The following PRR11 variants were observed in gnomAD, a reference collection of about 807,000 sequenced individuals.
The protein encoded by PRR11 is proline-rich protein 11.
In PRR11, 30 loss-of-function variants were observed where a neutral mutation model predicts 45.6. The observed-to-expected ratio is 0.66, with a 90% CI of 0.49 to 0.89. The LOEUF (loss-of-function observed/expected upper bound fraction) is 0.89, where lower values mean the gene tolerates loss of function less well. PRR11 is among the 40% of genes least tolerant of loss of function. The pLI, the probability that PRR11 is intolerant of heterozygous loss-of-function variation, is 0.00. For missense variants in PRR11, 373 were observed against 424.8 expected, an observed-to-expected ratio of 0.88 and a Z score of 1.07; for synonymous variants, 128 against 153.5, an observed-to-expected ratio of 0.83 and a Z score of 1.23.
At chr17:59,199,964 T>C (rs1442969543) in intron 9 of PRR11, among the ~76,000 whole-genome samples, 1 of 152,222 alleles carries the variant, frequency 6.6e-6, no homozygotes, top group Non-Finnish European at 1.5e-5. Context: ...TCACGGGTCT[T>C]AGCCCCTTGC....
At chr17:59,175,501 C>T (rs576256763) in intron 2 of PRR11, among the ~76,000 whole-genome samples, 2 of 152,146 alleles carry the variant, frequency 1.3e-5, no homozygotes, top group African/African-American at 4.8e-5. Context: ...GTGGCTCATG[C>T]CTGTAATCCC....
chr17:59,174,860 G>A (rs2046734282), intron 2 of PRR11: 1 of 1,241,966 alleles, frequency 8.1e-7, no homozygotes, highest in South Asian at 1.2e-5. Context: ...CGCCCCTTAA[G>A]AAGATGGGGA....
intron 2 of PRR11, among the ~76,000 whole-genome samples, chr17:59,183,371 A>G (rs974038974): frequency 1.8e-4 from 27 of 152,186 alleles, no homozygotes; most frequent in African/African-American, 6.3e-4. Flanking sequence ...AAACTAGGGT[A>G]AGCAGAAACT....
At chr17:59,197,836 T>G in intron 9 of PRR11, 47 bp downstream of exon 9, 1 of 1,564,460 alleles carries the variant, frequency 6.4e-7, no homozygotes, top group South Asian at 1.1e-5. Context: ...TGAAAATAAT[T>G]TGGCCTGGTG....
chr17:59,193,310 A>C (rs2046848224), intron 4 of PRR11, among the ~76,000 whole-genome samples, 182 bp from the exon 5 acceptor site: 1 of 152,214 alleles, frequency 6.6e-6, no homozygotes, highest in Non-Finnish European at 1.5e-5. Flanking sequence ...GGCATATAGC[A>C]CATACAAAAT....
intron 1 of PRR11, among the ~76,000 whole-genome samples, chr17:59,166,016 T>C (rs1413124746): frequency 6.6e-6 from 1 of 152,196 alleles, no homozygotes; most frequent in Non-Finnish European, 1.5e-5. Context: ...TTAGATGTTA[T>C]CAGGAATCTA....
At chr17:59,174,850 C>T (rs1412511677) in intron 2 of PRR11, 17 of 1,260,700 alleles carry the variant, frequency 1.3e-5, no homozygotes, top group African/African-American at 4.5e-5. Context: ...GAAAAACAAA[C>T]GCCCCTTAAG....
intron 2 of PRR11, among the ~76,000 whole-genome samples, chr17:59,173,653 C>A (rs542928527): frequency 3.3e-4 from 51 of 152,352 alleles, no homozygotes; most frequent in African/African-American, 1.2e-3. Flanking sequence ...TCCGGACACG[C>A]CACCTTTAAG....
intron 2 of PRR11, among the ~76,000 whole-genome samples, chr17:59,182,069 C>T (rs117819038): frequency 0.022 from 3,277 of 151,282 alleles, 63 homozygotes; most frequent in Non-Finnish European, 0.03. Flanking sequence ...GCTTTGTCGC[C>T]CGGGCTGGAG....
At chr17:59,182,712 A>G (rs977160815) in intron 2 of PRR11, among the ~76,000 whole-genome samples, 13 of 151,904 alleles carry the variant, frequency 8.6e-5, no homozygotes, top group African/African-American at 3.1e-4. Flanking sequence ...CACCTTAGTC[A>G]ATCCTATCCC....
chr17:59,195,420 G>A lies in PRR11; in HGVS notation c.834G>A (p.Ser278=), dbSNP rs891190031. Residue 278 remains serine (S), a synonymous_variant, in exon 7 of 10, where the codon TCG becomes TCA. Coordinates refer to ENST00000262293, the MANE Select transcript of PRR11 (RefSeq NM_018304.4). The part of the protein sequence containing the change: ...VTLKPNSKVL[S]TRVTNVLITP... ...TGAAACCTAACTCCAAAGTGTTATC[G>A]ACTCGAGTTACAAACGTCTTAATGT... 14 of 1,610,422 alleles carry A rather than the reference G, an allele frequency of 8.7e-6. No individual in the cohort carries two copies. Among genetic ancestry groups the A allele is most frequent in the African/African-American group, 2.7e-5 (2 of 74,748 alleles).
At chr17:59,187,105 A>T (rs147515917) in intron 4 of PRR11, among the ~76,000 whole-genome samples, 66 of 152,296 alleles carry the variant, frequency 4.3e-4, no homozygotes, top group African/African-American at 1.5e-3. Context: ...CAGGCAGATC[A>T]TCTGAGATCA....
chr17:59,195,504 A>C (rs141581177), intron 7 of PRR11, 61 bp downstream of exon 7: 1 of 1,121,306 alleles, frequency 8.9e-7, no homozygotes, highest in East Asian at 2.4e-5. Context: ...TGTTGTACAA[A>C]GGCCTAAAGA....
chr17:59,182,835 G>A (rs1279937704), intron 2 of PRR11, among the ~76,000 whole-genome samples: 3 of 152,148 alleles, frequency 2.0e-5, no homozygotes, highest in Non-Finnish European at 4.4e-5. Context: ...CTCATCCTGG[G>A]GGTGCGGTTG....
chr17:59,195,142 C>A (rs1428750343), intron 6 of PRR11, among the ~76,000 whole-genome samples, 189 bp from the exon 7 acceptor site: 3 of 152,124 alleles, frequency 2.0e-5, no homozygotes, highest in Admixed American at 6.6e-5. Context: ...TTTAATTAGG[C>A]AATTTTATCT....
At position 59,205,898 on chromosome 17, in the gene PRR11, A is replaced by T. The variant is rs1299031946; in HGVS notation, c.*4267A>T. The stretch of plus-strand genomic sequence containing the variant: ...CCGTCTCTACCAAAAAAAATATATA[A>T]AAATTATCTGGGTGTGGTGGCATGT... On this transcript the variant is annotated 3_prime_UTR_variant, in exon 10 of 10. Transcript: ENST00000262293. Among the ~76,000 whole-genome samples the T allele has an allele frequency of 1.4e-5, 2 of 147,298 alleles. No individual in the cohort carries two copies. The highest frequency in any genetic ancestry group is 4.9e-5 in the African/African-American group (2 of 40,770).
intron 2 of PRR11, among the ~76,000 whole-genome samples, chr17:59,180,519 G>GTTTT (rs71300619): frequency 2.4e-5 from 3 of 122,928 alleles, no homozygotes; most frequent in African/African-American, 1.1e-4. Context: ...TGTTTTTTTT[G>GTTTT]TTTTTTTTGC....
At chr17:59,197,906 G>C in intron 9 of PRR11, 117 bp downstream of exon 9, 1 of 859,508 alleles carries the variant, frequency 1.2e-6, no homozygotes, top group African/African-American at 1.7e-5. Flanking sequence ...GATTGCTTGA[G>C]CCTAGCAGTT....
At chr17:59,179,911 C>T (rs1420140591) in intron 2 of PRR11, 4 of 1,319,862 alleles carry the variant, frequency 3.0e-6, no homozygotes, top group Admixed American at 1.7e-5. Flanking sequence ...CTGTATAATG[C>T]TTCTGCAATT....
Sources: allele counts gnomAD v4.1 joint callset (sites outside exome capture counted in the v4.1 genomes callset), GRCh38; gene constraint gnomAD v4.1.1; transcripts MANE v1.5; gene names NCBI Gene and HGNC (gene_info 2026-07-23, HGNC 2026-07-21).